Variants in TMTC2 observed in about 807,000 individuals in gnomAD.
TMTC2 encodes the protein protein O-mannosyl-transferase TMTC2.
Under a neutral mutation model 82.4 loss-of-function variants are expected in TMTC2, and 43 were observed. The observed-to-expected ratio is 0.52, with a 90% CI of 0.41 to 0.67. The LOEUF (loss-of-function observed/expected upper bound fraction) is 0.67. Ranked by LOEUF, TMTC2 falls within the 30% of genes least tolerant of loss-of-function variation. The pLI is 0.00. For synonymous variants in TMTC2, 408 were observed against 381.9 expected (o/e 1.07, Z -0.80); for missense variants, 919 against 1,012.4 (o/e 0.91, Z 1.25).
chr12:82,957,915 C>T (rs991171146), intron 4 of TMTC2, among the ~76,000 whole-genome samples: 5 of 152,000 alleles, frequency 3.3e-5, no homozygotes, highest in Non-Finnish European at 7.4e-5. Flanking sequence ...TAGATCTGGA[C>T]CAGATAGAGT....
At chr12:82,823,947 G>T (rs1331165819) in intron 1 of TMTC2, among the ~76,000 whole-genome samples, 2 of 148,214 alleles carry the variant, frequency 1.3e-5, no homozygotes, top group Non-Finnish European at 3.0e-5. Context: ...ATGCTAGAGT[G>T]CAGTGGTGCA....
intron 9 of TMTC2, among the ~76,000 whole-genome samples, chr12:83,049,981 A>G (rs1565869202): frequency 6.6e-6 from 1 of 152,056 alleles, no homozygotes; most frequent in Admixed American, 6.5e-5. Flanking sequence ...TCAAAGTTTT[A>G]TGTTTTTGTG....
rs550081587 is a variant in TMTC2, at chr12:83,003,714, A to G, written c.2070+17668A>G. ...ACATGAAATTCTTGGTTGGAATTTCATTTCTTTAAGGATGCTGAAAATAGG... is the reference window on the plus strand; with the variant it reads ...ACATGAAATTCTTGGTTGGAATTTCGTTTCTTTAAGGATGCTGAAAATAGG... On this transcript the variant is annotated intron_variant, in intron 8 of 11. Coordinates refer to ENST00000321196, the MANE Select transcript of TMTC2 (RefSeq NM_152588.3). Among the ~76,000 whole-genome samples, 8 of 152,244 alleles carry G rather than the reference A, an allele frequency of 5.3e-5. No homozygotes were observed. In the East Asian group the frequency reaches 1.5e-3, roughly 29 times the overall value.
chr12:83,117,025 T>C (rs1884784342), intron 11 of TMTC2, among the ~76,000 whole-genome samples: 1 of 152,220 alleles, frequency 6.6e-6, no homozygotes. Context: ...AGAAGGGTTT[T>C]CCTGGTGTTC....
At position 83,028,484 on chromosome 12, in the gene TMTC2, G is replaced by A. The variant is rs141563165; in HGVS notation, c.2071-2314G>A. Among the ~76,000 whole-genome samples the A allele has an allele frequency of 2.4e-3, 360 of 152,222 alleles. 2 individuals are homozygous for A. The highest frequency in any genetic ancestry group is 8.4e-3 in the African/African-American group (350 of 41,556). On this transcript the variant is annotated intron_variant, in intron 8 of 11. Coordinates refer to ENST00000321196, the MANE Select transcript of TMTC2 (RefSeq NM_152588.3). ...GTGTCGTAGATTTGTTACAGTTGAT[G>A]AGTCTATAGTTTATATTGCAGTTCG...
chr12:82,941,175 T>C (rs1207611429), intron 4 of TMTC2, among the ~76,000 whole-genome samples: 1 of 152,132 alleles, frequency 6.6e-6, no homozygotes, highest in Non-Finnish European at 1.5e-5. Context: ...GGGAGATCTA[T>C]CTTTCTTATA....
intron 1 of TMTC2, among the ~76,000 whole-genome samples, chr12:82,768,321 A>C (rs80124526): frequency 0.033 from 5,054 of 152,274 alleles, 274 homozygotes; most frequent in African/African-American, 0.11. Context: ...TGGTTTGTGC[A>C]ATAGCTGTGT....
At chr12:82,721,115 G>A (rs775561624) in intron 1 of TMTC2, among the ~76,000 whole-genome samples, 3 of 152,198 alleles carry the variant, frequency 2.0e-5, no homozygotes, top group Non-Finnish European at 1.5e-5. Flanking sequence ...TGTAAATGAA[G>A]TTAATTTGAA....
chr12:82,721,516 G>C (rs1176647984), intron 1 of TMTC2, among the ~76,000 whole-genome samples: 1 of 152,102 alleles, frequency 6.6e-6, no homozygotes, highest in East Asian at 1.9e-4. Context: ...AGTTGCTGCT[G>C]AATAGGAACT....
chr12:82,788,890 G>A (rs768035971), intron 1 of TMTC2, among the ~76,000 whole-genome samples: 27 of 152,210 alleles, frequency 1.8e-4, no homozygotes, highest in Non-Finnish European at 3.7e-4. Flanking sequence ...GCCTGGCCTG[G>A]AGGAGTGGCT....
chr12:82,708,685 C>G (rs532019450), intron 1 of TMTC2, among the ~76,000 whole-genome samples: 16 of 152,172 alleles, frequency 1.1e-4, no homozygotes, highest in East Asian at 3.9e-4. Flanking sequence ...GCTGCTTCTA[C>G]GATGCTCGAG....
intron 2 of TMTC2, among the ~76,000 whole-genome samples, chr12:82,873,930 T>TGCTTCC (rs1455155467): frequency 6.6e-6 from 1 of 152,222 alleles, no homozygotes; most frequent in African/African-American, 2.4e-5. Context: ...CCCAGCTTAT[T>TGCTTCC]GCTTCCTAGA....
At chr12:82,903,747 T>A (rs947894301) in intron 3 of TMTC2, among the ~76,000 whole-genome samples, 1 of 152,204 alleles carries the variant, frequency 6.6e-6, no homozygotes, top group Non-Finnish European at 1.5e-5. Flanking sequence ...GCATAGATGC[T>A]GCAACGAGGA....
At chr12:83,046,253 A>G (rs1039339043) in intron 9 of TMTC2, among the ~76,000 whole-genome samples, 1 of 152,186 alleles carries the variant, frequency 6.6e-6, no homozygotes, top group African/African-American at 2.4e-5. Context: ...CCCAGATGTC[A>G]TCAGTGTCCA....
intron 11 of TMTC2, among the ~76,000 whole-genome samples, chr12:83,081,924 G>A (rs780403523): frequency 6.6e-6 from 1 of 151,994 alleles, no homozygotes; most frequent in African/African-American, 2.4e-5. Context: ...AGAGGGTACA[G>A]TGAACTATGA....
intron 4 of TMTC2, among the ~76,000 whole-genome samples, chr12:82,943,156 G>A (rs1050449380): frequency 6.6e-6 from 1 of 152,072 alleles, no homozygotes; most frequent in Non-Finnish European, 1.5e-5. Flanking sequence ...ATTGTCATAG[G>A]TACTAGAATG....
At chr12:82,947,225 A>G (rs912178904) in intron 4 of TMTC2, among the ~76,000 whole-genome samples, 1 of 152,198 alleles carries the variant, frequency 6.6e-6, no homozygotes, top group South Asian at 2.1e-4. Context: ...TTTAGAAAAA[A>G]ATCTCTAAAT....
chr12:82,757,579 C>A (rs1876406421), intron 1 of TMTC2, among the ~76,000 whole-genome samples: 1 of 152,126 alleles, frequency 6.6e-6, no homozygotes, highest in Admixed American at 6.5e-5. Flanking sequence ...ACCATTTCTG[C>A]AGTTATGAGG....
At chr12:82,824,441 T>C (rs1337208999) in intron 1 of TMTC2, among the ~76,000 whole-genome samples, 2 of 152,242 alleles carry the variant, frequency 1.3e-5, no homozygotes, top group Non-Finnish European at 2.9e-5. Flanking sequence ...CCTACTGAAG[T>C]ATCTGGCACT....
Sources: allele counts gnomAD v4.1 joint callset (sites outside exome capture counted in the v4.1 genomes callset), GRCh38; gene constraint gnomAD v4.1.1; transcripts MANE v1.5; gene names NCBI Gene and HGNC (gene_info 2026-07-23, HGNC 2026-07-21).